Variants in SCRN3 observed in about 807,000 individuals in gnomAD.
SCRN3 encodes secernin-3.
Under a neutral mutation model 43.1 loss-of-function variants are expected in SCRN3, and 39 were observed. That is an observed-to-expected ratio of 0.91 (90% CI 0.70 to 1.18). The LOEUF (loss-of-function observed/expected upper bound fraction) is 1.18. Ranked by LOEUF, SCRN3 falls within the 50% of genes most tolerant of loss-of-function variation. The pLI is 0.00. For synonymous variants in SCRN3, 147 were observed against 163.1 expected (o/e 0.90, Z 0.75); for missense variants, 484 against 498.0 (o/e 0.97, Z 0.27).
intron 5 of SCRN3, among the ~76,000 whole-genome samples, chr2:174,421,914 GC>G (rs1460192412): frequency 6.6e-6 from 1 of 151,962 alleles, no homozygotes; most frequent in Non-Finnish European, 1.5e-5. Context: ...TTAATTTAAG[GC>G]CCACTGTAGT....
At chr2:174,402,339 TTA>T (rs1685535230) in intron 4 of SCRN3, among the ~76,000 whole-genome samples, 1 of 152,212 alleles carries the variant, frequency 6.6e-6, no homozygotes, top group South Asian at 2.1e-4. Context: ...TCTCTTTCTA[TTA>T]CTAACTAAGC....
At chr2:174,400,131 A>C in intron 3 of SCRN3, 28 bp downstream of exon 3, 1 of 1,429,358 alleles carries the variant, frequency 7.0e-7, no homozygotes, top group Non-Finnish European at 9.4e-7. Flanking sequence ...TTTATACTAC[A>C]GACCTTGTCT....
At chr2:174,404,387 C>A in intron 5 of SCRN3, 72 bp downstream of exon 5, 2 of 996,870 alleles carry the variant, frequency 2.0e-6, no homozygotes, top group Non-Finnish European at 1.5e-6. Context: ...GGAATGATAA[C>A]ATCTGTTTTG....
rs190164420 is a variant in SCRN3 at position 174,401,419 on chromosome 2, C to G, written c.541+230C>G. Among the ~76,000 whole-genome samples the G allele has an allele frequency of 4.1e-4, 63 of 152,196 alleles. 1 individual carries two copies. The highest frequency in any genetic ancestry group is 3.9e-4 in the East Asian group (2 of 5,186). Reference sequence around the variant, plus strand: ...TCTGGGAATATGAATTTCATATAACCTGTATATACTTTCTTTGCTGCAGCT... The same window carrying G: ...TCTGGGAATATGAATTTCATATAACGTGTATATACTTTCTTTGCTGCAGCT... On this transcript the variant is annotated intron_variant, in intron 4 of 7. Transcript: ENST00000272732.
chr2:174,409,231 T>C (rs1252523337), intron 5 of SCRN3, among the ~76,000 whole-genome samples: 1 of 132,328 alleles, frequency 7.6e-6, no homozygotes, highest in African/African-American at 2.6e-5. Context: ...GCTGATACCC[T>C]TTCTTCCAGT....
Position 174,422,921 on chromosome 2 carries a change from G to A in SCRN3, c.791G>A (p.Arg264Gln), listed in dbSNP as rs377145764. Reference protein sequence around the residue: ...ITFETMMEILRDKPSGINMEG... With the variant: ...ITFETMMEILQDKPSGINMEG... The stretch of plus-strand genomic sequence containing the variant: ...TTTGAAACAATGATGGAAATTCTTC[G>A]AGATAAACCAAGTGGCATTAATATG... The change falls in exon 6 of 8, where the codon CGA (arginine) becomes CAA (glutamine). Residue 264 changes from arginine (R) to glutamine (Q), a missense_variant. Transcript: ENST00000272732. 7.5e-6 allele frequency: 12 copies of A among 1,609,988 alleles called. No homozygotes were observed. The highest frequency in any genetic ancestry group is 4.0e-5 in the African/African-American group (3 of 74,792).
At chr2:174,419,766 T>G (rs1329799872) in intron 5 of SCRN3, among the ~76,000 whole-genome samples, 2 of 152,164 alleles carry the variant, frequency 1.3e-5, no homozygotes, top group Non-Finnish European at 2.9e-5. Flanking sequence ...TCATTACTGT[T>G]ATTAAGAAAT....
At position 174,422,958 on chromosome 2, in the gene SCRN3, C is replaced by T; in HGVS notation, c.828C>T (p.Phe276=). 2 of 1,613,012 alleles carry T rather than the reference C, an allele frequency of 1.2e-6. No individual in the cohort carries two copies. Among genetic ancestry groups the T allele is most frequent in the Non-Finnish European group, 1.7e-6 (2 of 1,179,048 alleles). ...KPSGINMEGE[F]LTTASMVSIL... ...GTGGCATTAATATGGAGGGAGAATT[C>T]CTGACCACTGCAAGCATGGTTTCTA... Residue 276 remains phenylalanine, a synonymous_variant, in exon 6 of 8, where the codon TTC becomes TTT. Transcript: ENST00000272732.
chr2:174,419,740 C>G (rs151217453), intron 5 of SCRN3, among the ~76,000 whole-genome samples: 1 of 152,134 alleles, frequency 6.6e-6, no homozygotes, highest in South Asian at 2.1e-4. Flanking sequence ...TTACTTGTTA[C>G]CTGGATTCAC....
chr2:174,424,898 T>A (rs16862569), intron 7 of SCRN3, among the ~76,000 whole-genome samples: 36,336 of 152,138 alleles, frequency 0.24, 5,814 homozygotes, highest in East Asian at 0.7. Context: ...AACACTTACA[T>A]AGCACTTTTA....
chr2:174,423,269 C>T (rs1210240268), intron 6 of SCRN3, among the ~76,000 whole-genome samples: 1 of 152,184 alleles, frequency 6.6e-6, no homozygotes, highest in African/African-American at 2.4e-5. Flanking sequence ...GTTATCCCTA[C>T]TCCTTCTTCG....
intron 5 of SCRN3, among the ~76,000 whole-genome samples, chr2:174,419,881 C>A (rs1385457581): frequency 6.6e-6 from 1 of 152,110 alleles, no homozygotes; most frequent in African/African-American, 2.4e-5. Flanking sequence ...GAAGGAGTAA[C>A]TGGTATTAGA....
At chr2:174,411,459 C>T (rs1023576926) in intron 5 of SCRN3, among the ~76,000 whole-genome samples, 3 of 152,090 alleles carry the variant, frequency 2.0e-5, no homozygotes, top group Non-Finnish European at 4.4e-5. Flanking sequence ...CTTCTCTTTT[C>T]TTCTGCATGA....
intron 5 of SCRN3, among the ~76,000 whole-genome samples, chr2:174,418,324 T>G (rs1159061439): frequency 6.6e-6 from 1 of 152,234 alleles, no homozygotes; most frequent in East Asian, 1.9e-4. Context: ...ACCAGTACGT[T>G]ATAGTTAATT....
Position 174,422,893 on chromosome 2 carries a change from A to ACTTT in SCRN3, c.764_767dup (p.Glu257PhefsTer2). 1.2e-6 allele frequency: 2 copies of ACTTT among 1,603,430 alleles called. No homozygotes were observed. The highest frequency in any genetic ancestry group is 1.7e-6 in the Non-Finnish European group (2 of 1,170,768). On this transcript the variant is annotated frameshift_variant, in exon 6 of 8. Coordinates refer to ENST00000272732, the MANE Select transcript of SCRN3 (RefSeq NM_024583.5). LOFTEE classifies it high-confidence loss of function. ...AAAAATTATTTCTCTAGGAAATATA[A>ACTTT]CTTTTGAAACAATGATGGAAATTCT...
rs762336806 is a variant in SCRN3 at position 174,424,464 on chromosome 2, C to CT, written c.918-5dup. 1 of 1,555,642 alleles carries CT rather than the reference C, an allele frequency of 6.4e-7. No homozygotes were observed. The highest frequency in any genetic ancestry group is 8.8e-7 in the Non-Finnish European group (1 of 1,139,922). On this transcript the variant is annotated splice_polypyrimidine_tract_variant and intron_variant, in intron 6 of 7. Coordinates refer to ENST00000272732, the MANE Select transcript of SCRN3 (RefSeq NM_024583.5). Reference sequence around the variant, plus strand: ...TTGACATGATAATTTAATAAAGACTCTTTTTTCTAGATCTGTTTTTAAGCC... The same window carrying CT: ...TTGACATGATAATTTAATAAAGACTCTTTTTTTCTAGATCTGTTTTTAAGCC...
chr2:174,427,676 T>G, intron 7 of SCRN3, 37 bp from the exon 8 acceptor site: 1 of 1,339,242 alleles, frequency 7.5e-7, no homozygotes, highest in Non-Finnish European at 1.0e-6. Flanking sequence ...TATGTGTATA[T>G]GTATATGTGT....
At chr2:174,409,170 T>G (rs1685807967) in intron 5 of SCRN3, among the ~76,000 whole-genome samples, 1 of 126,064 alleles carries the variant, frequency 7.9e-6, no homozygotes, top group African/African-American at 2.8e-5. Context: ...TTTTATTCTT[T>G]TTTCTCTAAA....
rs142414369 is a variant in SCRN3, at chr2:174,420,396, C to T, written c.755-2489C>T. On this transcript the variant is annotated intron_variant, in intron 5 of 7. Coordinates refer to ENST00000272732, the MANE Select transcript of SCRN3 (RefSeq NM_024583.5). ...TGCCAAAAGAATATTAAATGCTCTG[C>T]GAAAGAAAATATCATGCAGAGCCTC... is the stretch of plus-strand genomic sequence containing the variant. Among the ~76,000 whole-genome samples the T allele has an allele frequency of 3.8e-3, 583 of 152,006 alleles. 3 individuals carry two copies. Among genetic ancestry groups the T allele is most frequent in the African/African-American group, 0.013 (544 of 41,446 alleles).
Sources: allele counts gnomAD v4.1 joint callset (sites outside exome capture counted in the v4.1 genomes callset), GRCh38; gene constraint gnomAD v4.1.1; transcripts MANE v1.5; gene names NCBI Gene and HGNC (gene_info 2026-07-23, HGNC 2026-07-21).